PGM1: variants seen among roughly 807,000 people sequenced by gnomAD.
PGM1 encodes phosphoglucomutase 1.
A neutral mutation model predicts 55.6 loss-of-function variants in PGM1; 52 were observed. That is an observed-to-expected ratio of 0.94 (90% confidence interval 0.75 to 1.18). The LOEUF (loss-of-function observed/expected upper bound fraction) is 1.18. PGM1 is among the 50% of genes most tolerant of loss of function. The pLI is 0.00. For missense variants in PGM1, 724 were observed against 729.3 expected (o/e 0.99, Z 0.08); for synonymous variants, 287 against 271.7 (o/e 1.06, Z -0.55).
At chr1:63,657,235 G>A (rs151246655) in intron 10 of PGM1, among the ~76,000 whole-genome samples, 20 of 152,288 alleles carry the variant, frequency 1.3e-4, no homozygotes, top group African/African-American at 4.8e-4. Flanking sequence ...TGGCATAGTG[G>A]TTTTGAGCAA....
chr1:63,594,601 C>T (rs1488003194), intron 1 of PGM1, among the ~76,000 whole-genome samples: 1 of 145,308 alleles, frequency 6.9e-6, no homozygotes, highest in African/African-American at 2.7e-5. Flanking sequence ...CGGGTCCACT[C>T]GGATAGGGGA....
At position 63,604,016 on chromosome 1, in the gene PGM1, A is replaced by G. The variant is rs186581378; in HGVS notation, c.246+10282A>G. 2.0e-5 allele frequency among the ~76,000 whole-genome samples: 3 copies of G among 152,280 alleles called. No individual in the cohort carries two copies. In the East Asian group the frequency reaches 5.8e-4, roughly 29 times the overall value. On this transcript the variant is annotated intron_variant, in intron 1 of 10. Transcript: ENST00000371084. ...TGCACATATGAGAATCATCTCAATCATGATTCATCACCTGCAACTTGGAGC... is the reference window on the plus strand; with the variant it reads ...TGCACATATGAGAATCATCTCAATCGTGATTCATCACCTGCAACTTGGAGC...
chr1:63,648,052 A>G lies in PGM1; in HGVS notation c.1145-465A>G, dbSNP rs1194259489. Among the ~76,000 whole-genome samples, 4 of 151,830 alleles carry G rather than the reference A, an allele frequency of 2.6e-5. No individual in the cohort carries two copies. In the East Asian group the frequency reaches 7.8e-4, roughly 29 times the overall value. On this transcript the variant is annotated intron_variant, in intron 7 of 10. Transcript: ENST00000371084. ...CCCAAGTCCTCAGTCAGGCAGTGTG[A>G]CTCTTTTATTTGGGTCTGCACACCT... is the stretch of plus-strand genomic sequence containing the variant.
chr1:63,629,693 G>C, intron 2 of PGM1, 106 bp downstream of exon 2: 1 of 1,150,100 alleles, frequency 8.7e-7, no homozygotes, highest in Non-Finnish European at 1.3e-6. Context: ...CTTTGCAGGG[G>C]GTAGGGAGGT....
chr1:63,627,133 C>T (rs980954217), intron 1 of PGM1, among the ~76,000 whole-genome samples: 6 of 145,234 alleles, frequency 4.1e-5, no homozygotes, highest in African/African-American at 1.5e-4. Flanking sequence ...TTTGTTTATC[C>T]ATTCACTTGA....
chr1:63,647,259 CATATATATATATATATATATAT>C lies in PGM1; in HGVS notation c.1145-1230_1145-1209del, dbSNP rs55760196. On this transcript the variant is annotated intron_variant, in intron 7 of 10. Transcript: ENST00000371084. ...CTCCGTCTCAAAAAATAAAATTTTA[CATATATATATATATATATATAT>C]ATATATATATATATATATATATATA... Among the ~76,000 whole-genome samples, 258 of 55,416 alleles carry C rather than the reference CATATATATATATATATATATAT, an allele frequency of 4.7e-3. 5 individuals carry two copies. Among genetic ancestry groups the C allele is most frequent in the Middle Eastern group, 0.025 (2 of 80 alleles). 36.4% of individuals were successfully genotyped at this position (55,416 alleles called of 152,430 possible). A position where few individuals can be genotyped will look rare whatever the true frequency, so the allele number is the denominator to read the frequency against.
chr1:63,638,837 T>A, intron 7 of PGM1, 37 bp downstream of exon 7: 1 of 1,372,480 alleles, frequency 7.3e-7, no homozygotes. Context: ...TTCCTCCCTG[T>A]AACCACTATT....
At chr1:63,617,487 G>A (rs938985737) in intron 1 of PGM1, among the ~76,000 whole-genome samples, 1 of 151,956 alleles carries the variant, frequency 6.6e-6, no homozygotes, top group African/African-American at 2.4e-5. Flanking sequence ...CGGGCAGATC[G>A]CTTGAGATGA....
At chr1:63,620,574 CTG>C (rs1457150211) in intron 1 of PGM1, among the ~76,000 whole-genome samples, 1 of 152,188 alleles carries the variant, frequency 6.6e-6, no homozygotes, top group Non-Finnish European at 1.5e-5. Flanking sequence ...CCATTATTAA[CTG>C]TCCATTAAAT....
At chr1:63,600,669 G>C (rs957378479) in intron 1 of PGM1, among the ~76,000 whole-genome samples, 2 of 152,188 alleles carry the variant, frequency 1.3e-5, no homozygotes, top group African/African-American at 4.8e-5. Context: ...CCTCATGAGA[G>C]CAGAGACCTG....
At chr1:63,601,748 A>G (rs1262554333) in intron 1 of PGM1, among the ~76,000 whole-genome samples, 2 of 152,200 alleles carry the variant, frequency 1.3e-5, no homozygotes, top group Non-Finnish European at 2.9e-5. Flanking sequence ...GTGTTGGGAT[A>G]CGCGGATGGA....
chr1:63,594,664 G>A (rs1258495516), intron 1 of PGM1, among the ~76,000 whole-genome samples: 7 of 151,598 alleles, frequency 4.6e-5, no homozygotes, highest in African/African-American at 1.7e-4. Flanking sequence ...ATGTGGGGCC[G>A]GGCATGGTGG....
At position 63,606,975 on chromosome 1, in the gene PGM1, A is replaced by T. The variant is rs558154065; in HGVS notation, c.246+13241A>T. On this transcript the variant is annotated intron_variant, in intron 1 of 10. Transcript: ENST00000371084. Reference sequence around the variant, plus strand: ...TCTTAAACTACTTTATTGAGGTATGATTCACATACTATATAATTTACCCAC... The same window carrying T: ...TCTTAAACTACTTTATTGAGGTATGTTTCACATACTATATAATTTACCCAC... Among the ~76,000 whole-genome samples, 11 of 152,354 alleles carry T rather than the reference A, an allele frequency of 7.2e-5. No homozygotes were observed. The South Asian group carries it at 2.1e-3, about 29-fold the overall frequency.
At chr1:63,593,790 G>A in intron 1 of PGM1, 56 bp downstream of exon 1, 3 of 1,492,434 alleles carry the variant, frequency 2.0e-6, no homozygotes, top group Non-Finnish European at 2.7e-6. Context: ...GCGACGTGCG[G>A]CCCGCGGCGC....
chr1:63,641,069 C>T (rs1649502712), intron 7 of PGM1, among the ~76,000 whole-genome samples: 1 of 152,186 alleles, frequency 6.6e-6, no homozygotes. Context: ...TTACCTAGAA[C>T]TATTTGCCAA....
chr1:63,646,282 T>G (rs1649643150), intron 7 of PGM1, among the ~76,000 whole-genome samples: 1 of 152,140 alleles, frequency 6.6e-6, no homozygotes, highest in Non-Finnish European at 1.5e-5. Context: ...ACAGTTCTAT[T>G]CAGAAATCAG....
chr1:63,614,191 G>C (rs1648646606), intron 1 of PGM1, among the ~76,000 whole-genome samples: 1 of 152,142 alleles, frequency 6.6e-6, no homozygotes, highest in African/African-American at 2.4e-5. Flanking sequence ...TTAGACTTCT[G>C]TTTTACAGAT....
At chr1:63,599,444 G>A (rs1043328967) in intron 1 of PGM1, among the ~76,000 whole-genome samples, 30 of 151,898 alleles carry the variant, frequency 2.0e-4, no homozygotes, top group African/African-American at 6.8e-4. Context: ...GATTACAGGC[G>A]TGAGCCACCA....
rs1393096721 is a variant in PGM1 at position 63,648,669 on chromosome 1, C to A, written c.1280+17C>A. 9 of 1,613,242 alleles carry A rather than the reference C, an allele frequency of 5.6e-6. No individual in the cohort carries two copies. The highest frequency in any genetic ancestry group is 7.6e-6 in the Non-Finnish European group (9 of 1,179,882). ...CTTCACCAGGTGAGCCACAGCCCAGCTGGGGTACAAGGTAAGGTGGGGAAG... is the reference window on the plus strand; with the variant it reads ...CTTCACCAGGTGAGCCACAGCCCAGATGGGGTACAAGGTAAGGTGGGGAAG... On this transcript the variant is annotated intron_variant, in intron 8 of 10. Transcript: ENST00000371084.
Sources: allele counts gnomAD v4.1 joint callset (sites outside exome capture counted in the v4.1 genomes callset), GRCh38; gene constraint gnomAD v4.1.1; transcripts MANE v1.5; gene names NCBI Gene and HGNC (gene_info 2026-07-23, HGNC 2026-07-21).